LRMDA: variants seen among roughly 807,000 people sequenced by gnomAD.
LRMDA encodes the protein leucine rich melanocyte differentiation associated.
In LRMDA, 18 loss-of-function variants were observed where a neutral mutation model predicts 29.8. The ratio of observed to expected loss-of-function variants is 0.60; its 90% CI spans 0.42 to 0.90. LRMDA has a LOEUF of 0.90. Ranked by LOEUF, LRMDA falls within the 40% of genes least tolerant of loss-of-function variation. The pLI, the probability that LRMDA is intolerant of heterozygous loss-of-function variation, is 0.00. For missense variants in LRMDA, 273 were observed against 273.9 expected, an observed-to-expected ratio of 1.00 and a Z score of 0.02; for synonymous variants, 125 against 109.4, an observed-to-expected ratio of 1.14 and a Z score of -0.89.
intron 2 of LRMDA, among the ~76,000 whole-genome samples, chr10:75,482,069 C>T (rs1182777396): frequency 6.6e-6 from 1 of 152,184 alleles, no homozygotes; most frequent in Admixed American, 6.5e-5. Flanking sequence ...TAGTTATTCT[C>T]CCTCCCTGTA....
At chr10:75,765,423 G>C (rs1358505083) in intron 2 of LRMDA, among the ~76,000 whole-genome samples, 1 of 152,174 alleles carries the variant, frequency 6.6e-6, no homozygotes, top group Admixed American at 6.5e-5. Flanking sequence ...GAAGTGTGAA[G>C]AGATTTCTTA....
chr10:75,951,473 G>A (rs2132420284), intron 2 of LRMDA, among the ~76,000 whole-genome samples: 1 of 152,302 alleles, frequency 6.6e-6, no homozygotes, highest in South Asian at 2.1e-4. Flanking sequence ...AAAGAGGGAA[G>A]AGCTTTAGAT....
chr10:75,635,413 T>C (rs1377480053), intron 2 of LRMDA, among the ~76,000 whole-genome samples: 1 of 151,924 alleles, frequency 6.6e-6, no homozygotes, highest in East Asian at 1.9e-4. Context: ...TTTTGAGGAG[T>C]TGAGGCTATT....
At chr10:75,612,700 G>A (rs1201498975) in intron 2 of LRMDA, among the ~76,000 whole-genome samples, 1 of 150,128 alleles carries the variant, frequency 6.7e-6, no homozygotes, top group African/African-American at 2.4e-5. Flanking sequence ...GATTTAGAGA[G>A]GCAATAGTGT....
intron 5 of LRMDA, among the ~76,000 whole-genome samples, chr10:76,225,571 A>G (rs967093063): frequency 1.3e-5 from 2 of 152,068 alleles, no homozygotes. Context: ...GTTGTTAAAA[A>G]GAGCCTGGAA....
intron 2 of LRMDA, among the ~76,000 whole-genome samples, chr10:75,484,667 G>C (rs1024106610): frequency 2.6e-5 from 4 of 152,180 alleles, no homozygotes; most frequent in African/African-American, 9.7e-5. Flanking sequence ...CAAGGGTGGG[G>C]CCTTAATCCA....
chr10:75,905,232 G>A (rs1845738912), intron 2 of LRMDA, among the ~76,000 whole-genome samples: 1 of 139,018 alleles, frequency 7.2e-6, no homozygotes, highest in Non-Finnish European at 1.5e-5. Context: ...GCTCTCTCCT[G>A]CCTCTTTTTT....
chr10:76,201,703 GT>G (rs935839279), intron 5 of LRMDA, among the ~76,000 whole-genome samples: 1 of 152,192 alleles, frequency 6.6e-6, no homozygotes, highest in African/African-American at 2.4e-5. Flanking sequence ...CAGGTCAGAA[GT>G]TTTGTAGCCC....
chr10:76,512,170 C>G (rs1843014898), intron 6 of LRMDA, among the ~76,000 whole-genome samples: 1 of 152,198 alleles, frequency 6.6e-6, no homozygotes, highest in Non-Finnish European at 1.5e-5. Context: ...CCTGCTGCCA[C>G]TATGTAAGAA....
At chr10:76,509,622 T>C (rs531875078) in intron 6 of LRMDA, among the ~76,000 whole-genome samples, 49 of 152,324 alleles carry the variant, frequency 3.2e-4, no homozygotes, top group African/African-American at 1.2e-3. Context: ...TGAGAATCAG[T>C]TTGTTCTTCC....
chr10:75,846,177 T>TTTTG (rs1554829438), intron 2 of LRMDA, among the ~76,000 whole-genome samples: 2 of 142,976 alleles, frequency 1.4e-5, no homozygotes, highest in African/African-American at 2.6e-5. Flanking sequence ...GTGTGTGTGT[T>TTTTG]TGTGTGTGTG....
At chr10:76,020,187 C>T (rs962744390) in intron 2 of LRMDA, among the ~76,000 whole-genome samples, 1 of 152,184 alleles carries the variant, frequency 6.6e-6, no homozygotes, top group African/African-American at 2.4e-5. Flanking sequence ...GGTCGCCTAC[C>T]CTGCTTCTCT....
intron 2 of LRMDA, among the ~76,000 whole-genome samples, chr10:75,631,169 A>T (rs966172018): frequency 6.6e-5 from 10 of 152,038 alleles, no homozygotes; most frequent in Non-Finnish European, 1.5e-5. Flanking sequence ...GAATCTTCTC[A>T]TTGATTATCA....
chr10:75,658,049 T>G (rs1236433308), intron 2 of LRMDA, among the ~76,000 whole-genome samples: 1 of 151,966 alleles, frequency 6.6e-6, no homozygotes, highest in Non-Finnish European at 1.5e-5. Flanking sequence ...GTGTTTAGAC[T>G]TTTTTGTACC....
At chr10:76,033,417 C>T (rs2132503876) in intron 2 of LRMDA, among the ~76,000 whole-genome samples, 1 of 152,292 alleles carries the variant, frequency 6.6e-6, no homozygotes, top group East Asian at 1.9e-4. Flanking sequence ...TGGGAAGTCT[C>T]ACTCTGGCGT....
At chr10:76,084,534 C>G (rs2132083156) in intron 5 of LRMDA, among the ~76,000 whole-genome samples, 1 of 151,880 alleles carries the variant, frequency 6.6e-6, no homozygotes, top group African/African-American at 2.4e-5. Flanking sequence ...TTTTTCAAAC[C>G]AGAAAGATAT....
chr10:76,139,348 T>G (rs544050702), intron 5 of LRMDA, among the ~76,000 whole-genome samples: 7 of 152,288 alleles, frequency 4.6e-5, no homozygotes, highest in Non-Finnish European at 8.8e-5. Flanking sequence ...AGTTAAAAAT[T>G]TTTTGCATAT....
intron 5 of LRMDA, among the ~76,000 whole-genome samples, chr10:76,089,026 C>T (rs571799932): frequency 4.6e-5 from 7 of 152,230 alleles, no homozygotes; most frequent in Non-Finnish European, 1.0e-4. Flanking sequence ...AGTCGTTGAG[C>T]GAGACACTGA....
At chr10:76,067,686 T>G (rs1462986629) in intron 5 of LRMDA, among the ~76,000 whole-genome samples, 1 of 152,142 alleles carries the variant, frequency 6.6e-6, no homozygotes, top group Non-Finnish European at 1.5e-5. Context: ...AATTCTTTGC[T>G]TTGAGCTTGG....
Sources: allele counts gnomAD v4.1 joint callset (sites outside exome capture counted in the v4.1 genomes callset), GRCh38; gene constraint gnomAD v4.1.1; transcripts MANE v1.5; gene names NCBI Gene and HGNC (gene_info 2026-07-23, HGNC 2026-07-21).